Variants in PPA2 observed in about 807,000 individuals in gnomAD.
The protein encoded by PPA2 is inorganic pyrophosphatase 2, mitochondrial.
Under a neutral mutation model 49.5 loss-of-function variants are expected in PPA2, and 48 were observed. That is an observed-to-expected ratio of 0.97 (90% CI 0.77 to 1.23). PPA2 has a LOEUF of 1.23. Ranked by LOEUF, PPA2 falls within the 50% of genes most tolerant of loss-of-function variation. The pLI, the probability that PPA2 is intolerant of heterozygous loss-of-function variation, is 0.00. For missense variants in PPA2, 429 were observed against 410.1 expected (o/e 1.05, Z -0.40); for synonymous variants, 131 against 139.9 (o/e 0.94, Z 0.45).
chr4:105,430,493 C>T (rs148336498), intron 6 of PPA2, among the ~76,000 whole-genome samples: 43 of 152,306 alleles, frequency 2.8e-4, no homozygotes, highest in Middle Eastern at 6.8e-3. Context: ...GTGACTTAGA[C>T]ACCCCAGGGC....
In PPA2 at chr4:105,448,989, C is replaced by T. The variant is rs28628122; in HGVS notation, c.321+361G>A. 3.2e-3 allele frequency among the ~76,000 whole-genome samples: 405 copies of T among 125,842 alleles called. 32 individuals carry two copies. The highest frequency in any genetic ancestry group is 0.016 in the African/African-American group (371 of 23,574). The allele number at this position is 125,842 out of a possible 152,430, so 82.6% of individuals were successfully genotyped here. ...ATCCCAGCACTTTGGGAGGCCGAGG[C>T]GGGCGGATCACGAGGTCAGGAGATC... On this transcript the variant is annotated intron_variant, in intron 4 of 11. Transcript: ENST00000341695.
chr4:105,465,260 T>C (rs1723254488), intron 1 of PPA2, among the ~76,000 whole-genome samples: 1 of 152,232 alleles, frequency 6.6e-6, no homozygotes, highest in Non-Finnish European at 1.5e-5. Context: ...TTTCCTTTTT[T>C]GGTTCAGCTT....
At chr4:105,402,572 A>C (rs372397718) in intron 7 of PPA2, among the ~76,000 whole-genome samples, 8 of 152,324 alleles carry the variant, frequency 5.3e-5, no homozygotes, top group African/African-American at 1.9e-4. Flanking sequence ...AGCACAGTGA[A>C]AAAACAGAAA....
At chr4:105,383,258 A>G (rs1241763476) in intron 10 of PPA2, among the ~76,000 whole-genome samples, 9 of 152,210 alleles carry the variant, frequency 5.9e-5, no homozygotes. Flanking sequence ...TCCTTCTGAA[A>G]TCTTTGCAGA....
rs1287213656 is a variant in PPA2 at position 105,424,322 on chromosome 4, T to A, written c.529A>T (p.Ile177Phe). The A allele has an allele frequency of 1.9e-6, 3 of 1,582,630 alleles. No homozygotes were observed. The highest frequency in any genetic ancestry group is 2.6e-6 in the Non-Finnish European group (3 of 1,172,286). ...PIDVCEIGSK[I>F]LSCGEVIHVK... is the part of the protein sequence containing the mutation. ...TGAATAACTTCTCCACAAGAAAGAA[T>A]CTTTAAAGAAAAAAGAAATTCACTA... Residue 177 changes from isoleucine to phenylalanine, a missense_variant and splice_region_variant, in exon 7 of 12, where the codon ATT (isoleucine) becomes TTT (phenylalanine). Physicochemically the swap from Ile to Phe is conservative, Grantham distance 21 (BLOSUM62 0). Transcript: ENST00000341695.
intron 2 of PPA2, 32 bp from the exon 3 acceptor site, chr4:105,453,674 T>C: frequency 6.4e-7 from 1 of 1,564,508 alleles, no homozygotes; most frequent in Non-Finnish European, 8.8e-7. Flanking sequence ...AAGACTGCAA[T>C]ATTTCATGAA....
intron 7 of PPA2, among the ~76,000 whole-genome samples, chr4:105,420,017 G>C (rs929479739): frequency 2.6e-5 from 4 of 151,286 alleles, no homozygotes; most frequent in African/African-American, 4.9e-5. Context: ...TTGTTGCCTA[G>C]GCTGGAGTGC....
chr4:105,443,591 TCACACACACACACACACACACA>T (rs56765056), intron 5 of PPA2, among the ~76,000 whole-genome samples: 4 of 145,518 alleles, frequency 2.7e-5, no homozygotes, highest in East Asian at 4.0e-4. Context: ...TATGGTGTAT[TCACACACACACACACACACACA>T]CACACACACA....
rs532248421 is a variant in PPA2 at position 105,423,665 on chromosome 4, T to C, written c.655+531A>G. On this transcript the variant is annotated intron_variant, in intron 7 of 11. Coordinates refer to ENST00000341695, the MANE Select transcript of PPA2 (RefSeq NM_176869.3). The stretch of plus-strand genomic sequence containing the variant: ...AACAAAATTAAATCATGCCAAGCTA[T>C]TTCCAGAACTTAAAATTTCTAGGAC... Among the ~76,000 whole-genome samples the C allele has an allele frequency of 4.6e-5, 7 of 152,268 alleles. No individual in the cohort carries two copies. In the East Asian group the frequency reaches 1.4e-3, roughly 29 times the overall value.
chr4:105,459,469 G>A (rs561595742), intron 1 of PPA2, among the ~76,000 whole-genome samples: 5 of 152,266 alleles, frequency 3.3e-5, no homozygotes, highest in African/African-American at 1.2e-4. Flanking sequence ...TATGGTGATG[G>A]GAACTGAAAA....
At chr4:105,394,373 CA>C (rs34736301) in intron 9 of PPA2, among the ~76,000 whole-genome samples, 49 of 96,890 alleles carry the variant, frequency 5.1e-4, no homozygotes, top group Admixed American at 1.2e-3. Flanking sequence ...GATTCCATTT[CA>C]AAAAAAAAAA....
In PPA2 at chr4:105,437,919, C is replaced by T. The variant is rs375410953; in HGVS notation, c.528+31G>A. ...TATGGCATGAATAAACCAAAACTCACGTTAGAATTAATACAGTCTATAAAA... is the reference window on the plus strand; with the variant it reads ...TATGGCATGAATAAACCAAAACTCATGTTAGAATTAATACAGTCTATAAAA... On this transcript the variant is annotated intron_variant, in intron 6 of 11. Coordinates refer to ENST00000341695, the MANE Select transcript of PPA2 (RefSeq NM_176869.3). 1.4e-5 allele frequency: 22 copies of T among 1,521,598 alleles called. No individual in the cohort carries two copies. In the East Asian group the frequency reaches 1.7e-4, roughly 12 times the overall value. The allele number at this position is 1,521,598 out of a possible 1,614,324, so 94.3% of individuals were successfully genotyped here.
intron 1 of PPA2, 198 bp downstream of exon 1, chr4:105,473,696 G>C (rs1273007462): frequency 1.1e-6 from 1 of 883,970 alleles, no homozygotes; most frequent in Non-Finnish European, 1.9e-6. Flanking sequence ...GTCTTGATCC[G>C]CCGCCTCCTC....
chr4:105,387,479 T>C (rs72964204), intron 9 of PPA2, among the ~76,000 whole-genome samples: 2,277 of 152,322 alleles, frequency 0.015, 51 homozygotes, highest in African/African-American at 0.053. Context: ...CATTATCAAA[T>C]TTATTTTCAC....
intron 7 of PPA2, among the ~76,000 whole-genome samples, chr4:105,409,867 A>T (rs537825684): frequency 6.6e-6 from 1 of 152,216 alleles, no homozygotes; most frequent in Non-Finnish European, 1.5e-5. Context: ...TAGCATCAAC[A>T]TCAACAAAAA....
chr4:105,389,489 T>G (rs970307948), intron 9 of PPA2, among the ~76,000 whole-genome samples: 2 of 151,592 alleles, frequency 1.3e-5, no homozygotes, highest in Non-Finnish European at 2.9e-5. Flanking sequence ...TGCTTTCCTT[T>G]TTATACTAAG....
intron 6 of PPA2, 145 bp from the exon 7 acceptor site, chr4:105,424,467 G>A (rs965634129): frequency 3.3e-5 from 25 of 764,636 alleles, no homozygotes; most frequent in Non-Finnish European, 4.3e-5. Context: ...AATAGCCAAA[G>A]TCTGCCTTGC....
At chr4:105,473,662 T>C (rs764081431) in intron 1 of PPA2, 234 of 775,332 alleles carry the variant, frequency 3.0e-4, no homozygotes, top group Middle Eastern at 4.5e-4. Context: ...CCGGCAGCCC[T>C]GCGCCTCTGC....
At chr4:105,451,325 A>G (rs1015911169) in intron 3 of PPA2, among the ~76,000 whole-genome samples, 1 of 152,236 alleles carries the variant, frequency 6.6e-6, no homozygotes, top group Non-Finnish European at 1.5e-5. Flanking sequence ...CATAAAAGTA[A>G]TGATGATTTA....
Sources: gnomAD v4.1 joint callset for allele counts (sites outside exome capture counted in the v4.1 genomes callset) on GRCh38, gnomAD v4.1.1 for gene constraint, MANE v1.5 for transcripts, NCBI Gene and HGNC (gene_info 2026-07-23, HGNC 2026-07-21) for gene names.